STK3: variants seen among roughly 807,000 people sequenced by gnomAD.
The protein encoded by STK3 is serine/threonine kinase 3.
STK3 carries 41 observed loss-of-function variants against 58.0 expected under a neutral mutation model. That is an observed-to-expected ratio of 0.71 (90% CI 0.55 to 0.92). The LOEUF (loss-of-function observed/expected upper bound fraction) is 0.92, where lower values mean the gene tolerates loss of function less well. Ranked by LOEUF, STK3 falls within the 40% of genes least tolerant of loss-of-function variation. The pLI is 0.00. For synonymous variants in STK3, 170 were observed against 191.0 expected (o/e 0.89, Z 0.91); for missense variants, 479 against 602.7 (o/e 0.79, Z 2.15).
chr8:98,938,566 G>A (rs1035708548), intron 1 of STK3, among the ~76,000 whole-genome samples: 1 of 152,208 alleles, frequency 6.6e-6, no homozygotes, highest in African/African-American at 2.4e-5. Flanking sequence ...AGGAAGCAGG[G>A]TGGGAGCCAG....
intron 3 of STK3, among the ~76,000 whole-genome samples, chr8:98,866,794 C>T (rs558683695): frequency 1.7e-4 from 26 of 152,200 alleles, no homozygotes; most frequent in South Asian, 6.2e-4. Flanking sequence ...AACCAATCCT[C>T]CTACCGGTAG....
At chr8:98,896,526 A>G (rs1838452174) in intron 1 of STK3, among the ~76,000 whole-genome samples, 1 of 152,172 alleles carries the variant, frequency 6.6e-6, no homozygotes, top group Admixed American at 6.5e-5. Context: ...ATAGTTTCAC[A>G]AACAGTAGCC....
At chr8:98,849,023 G>A (rs957336586) in intron 3 of STK3, among the ~76,000 whole-genome samples, 5 of 151,940 alleles carry the variant, frequency 3.3e-5, no homozygotes, top group Admixed American at 3.3e-4. Flanking sequence ...TCAGGAGTTC[G>A]AGACCATCCT....
chr8:98,839,951 T>G (rs1216034452), intron 3 of STK3, among the ~76,000 whole-genome samples: 1 of 152,162 alleles, frequency 6.6e-6, no homozygotes, highest in Non-Finnish European at 1.5e-5. Flanking sequence ...CTCTTTATAT[T>G]TAGCCACAAA....
chr8:98,806,950 C>T (rs1229173722), intron 1 of STK3, among the ~76,000 whole-genome samples: 3 of 151,944 alleles, frequency 2.0e-5, no homozygotes, highest in African/African-American at 2.4e-5. Flanking sequence ...GTCAGGAGAT[C>T]GAAACCATCC....
intron 1 of STK3, among the ~76,000 whole-genome samples, chr8:98,939,454 C>T: frequency 6.6e-6 from 1 of 152,226 alleles, no homozygotes; most frequent in East Asian, 1.9e-4. Flanking sequence ...GCTGTTGGAC[C>T]ACACTTTAAG....
At chr8:98,529,289 G>A (rs891533798) in intron 9 of STK3, among the ~76,000 whole-genome samples, 28 of 152,114 alleles carry the variant, frequency 1.8e-4, no homozygotes, top group African/African-American at 5.6e-4. Flanking sequence ...AACAAAAGGG[G>A]GGGGGACGGA....
intron 6 of STK3, among the ~76,000 whole-genome samples, chr8:98,682,388 A>G (rs1383119208): frequency 2.0e-5 from 3 of 152,200 alleles, no homozygotes; most frequent in Non-Finnish European, 4.4e-5. Flanking sequence ...TTTCTTTGAT[A>G]TCATTCATTT....
intron 4 of STK3, among the ~76,000 whole-genome samples, chr8:98,741,013 G>A (rs1829156029): frequency 6.6e-6 from 1 of 152,138 alleles, no homozygotes; most frequent in Admixed American, 6.5e-5. Context: ...ATTACATAAT[G>A]GTAGAGGGAT....
chr8:98,582,780 A>C (rs1814033926), intron 7 of STK3, among the ~76,000 whole-genome samples: 1 of 152,172 alleles, frequency 6.6e-6, no homozygotes, highest in South Asian at 2.1e-4. Flanking sequence ...TAATTTGTTT[A>C]TTAAACATAA....
intron 3 of STK3, among the ~76,000 whole-genome samples, chr8:98,866,589 C>A (rs1445332548): frequency 6.6e-6 from 1 of 152,150 alleles, no homozygotes; most frequent in Non-Finnish European, 1.5e-5. Flanking sequence ...TTATTGAATA[C>A]GTACCGTGTG....
intron 9 of STK3, among the ~76,000 whole-genome samples, chr8:98,533,032 T>C (rs1826288073): frequency 1.3e-5 from 2 of 152,210 alleles, no homozygotes; most frequent in South Asian, 4.1e-4. Flanking sequence ...TGTGTCAGCA[T>C]TTCCTTCCTT....
chr8:98,628,680 T>C (rs1818925302), intron 6 of STK3, among the ~76,000 whole-genome samples: 1 of 152,068 alleles, frequency 6.6e-6, no homozygotes, highest in Non-Finnish European at 1.5e-5. Flanking sequence ...TATGTGCCTA[T>C]GTTCCCAGCT....
intron 1 of STK3, among the ~76,000 whole-genome samples, chr8:98,907,773 C>G (rs1587832846): frequency 1.3e-5 from 2 of 152,168 alleles, no homozygotes; most frequent in Admixed American, 1.3e-4. Context: ...CAGATTTCCC[C>G]AATTGTGTCA....
In STK3 at chr8:98,429,216, T is replaced by C; in HGVS notation, n.483+4911A>G. The C allele has an allele frequency of 6.2e-7, 1 of 1,614,084 alleles. No individual in the cohort carries two copies. The highest frequency in any genetic ancestry group is 8.5e-7 in the Non-Finnish European group (1 of 1,180,034). On this transcript the variant is annotated intron_variant and non_coding_transcript_variant, in intron 3 of 3. Transcript: ENST00000517832. ...GCCCATCACCTTGATCTTCAATAAG[T>C]TCTCCCACTTTTACCGGCGCCAAAA...
intron 4 of STK3, among the ~76,000 whole-genome samples, chr8:98,708,292 A>G (rs1826118373): frequency 6.6e-6 from 1 of 152,174 alleles, no homozygotes; most frequent in Admixed American, 6.5e-5. Flanking sequence ...AAGTAAATTC[A>G]GATACTTCCC....
chr8:98,538,862 CCCACAGGGAACT>C (rs1242931952), intron 9 of STK3, among the ~76,000 whole-genome samples: 1 of 152,146 alleles, frequency 6.6e-6, no homozygotes, highest in Non-Finnish European at 1.5e-5. Flanking sequence ...ATACTCAGTG[CCCACAGGGAACT>C]CCAAACCACT....
chr8:98,570,551 A>G (rs1316005472), intron 8 of STK3, among the ~76,000 whole-genome samples: 2 of 152,194 alleles, frequency 1.3e-5, no homozygotes, highest in Non-Finnish European at 2.9e-5. Flanking sequence ...AATTGAATCT[A>G]TATCAGTTCA....
chr8:98,632,329 C>T (rs997736821), intron 6 of STK3, among the ~76,000 whole-genome samples: 1 of 152,092 alleles, frequency 6.6e-6, no homozygotes, highest in African/African-American at 2.4e-5. Context: ...ATAATAGATA[C>T]CTACAAATGA....
Sources: allele counts gnomAD v4.1 joint callset (sites outside exome capture counted in the v4.1 genomes callset), GRCh38; gene constraint gnomAD v4.1.1; transcripts MANE v1.5; gene names NCBI Gene and HGNC (gene_info 2026-07-23, HGNC 2026-07-21).